SETD2: variants seen among roughly 807,000 people sequenced by gnomAD.
SETD2 encodes SET domain containing 2, histone lysine methyltransferase.
SETD2 carries 31 observed loss-of-function variants against 242.1 expected under a neutral mutation model. The ratio of observed to expected loss-of-function variants is 0.13; its 90% CI spans 0.10 to 0.17. The LOEUF (loss-of-function observed/expected upper bound fraction) is 0.17. Ranked by LOEUF, SETD2 falls within the 10% of genes least tolerant of loss-of-function variation. The pLI, the probability that SETD2 is intolerant of heterozygous loss-of-function variation, is 1.00. For synonymous variants in SETD2, 1,006 were observed against 1,066.5 expected, an observed-to-expected ratio of 0.94 and a Z score of 1.11; for missense variants, 2,481 against 3,046.3, an observed-to-expected ratio of 0.81 and a Z score of 4.37.
At chr3:47,107,700 A>G (rs1403084308) in intron 5 of SETD2, among the ~76,000 whole-genome samples, 1 of 134,426 alleles carries the variant, frequency 7.4e-6, no homozygotes, top group African/African-American at 2.7e-5. Context: ...CTCAAGAAAA[A>G]GAAAAGTCAC....
chr3:47,099,950 C>CTTT (rs796284454), intron 8 of SETD2, among the ~76,000 whole-genome samples: 1 of 140,766 alleles, frequency 7.1e-6, no homozygotes, highest in African/African-American at 2.6e-5. Context: ...ACTAATATAC[C>CTTT]TTTTTTTTTT....
intron 1 of SETD2, among the ~76,000 whole-genome samples, chr3:47,159,655 C>G (rs1697428312): frequency 6.6e-6 from 1 of 152,168 alleles, no homozygotes; most frequent in African/African-American, 2.4e-5. Context: ...TGGCAAAGTT[C>G]TTAGAATGGC....
chr3:47,120,067 T>C lies in SETD2; in HGVS notation c.4454+115A>G. On this transcript the variant is annotated intron_variant, in intron 3 of 20. Coordinates refer to ENST00000409792, the MANE Select transcript of SETD2 (RefSeq NM_014159.7). ...CACTTTTTTAGACTTTTAAATTTACTTTATCCCACAACTCTTTCATGTGTT... is the reference window on the plus strand; with the variant it reads ...CACTTTTTTAGACTTTTAAATTTACCTTATCCCACAACTCTTTCATGTGTT... The C allele has an allele frequency of 7.9e-6, 7 of 882,724 alleles. No homozygotes were observed. The South Asian group carries it at 1.0e-4, about 13-fold the overall frequency. The allele number at this position is 882,724 out of a possible 1,614,324, so 54.7% of individuals were successfully genotyped here. A position where few individuals can be genotyped will look rare whatever the true frequency, so the allele number is the denominator to read the frequency against.
intron 12 of SETD2, among the ~76,000 whole-genome samples, chr3:47,081,326 C>T (rs2041308858): frequency 1.3e-5 from 2 of 152,176 alleles, no homozygotes; most frequent in Admixed American, 6.6e-5. Flanking sequence ...TGGTGGCCCC[C>T]GGTTGGCTGG....
At position 47,057,458 on chromosome 3, in the gene SETD2, C is replaced by T. The variant is rs967982470; in HGVS notation, c.6326G>A (p.Arg2109Gln). Residue 2109 changes from arginine to glutamine, a missense_variant, in exon 15 of 21, where the codon CGA (arginine) becomes CAA (glutamine). Transcript: ENST00000409792. ...AGAAAGTTTATTGCGGTCTTTAATT[C>T]GTACTTTCTTTTTAGAAGTTGGTGT... ...YDTPTSKKKV[R>Q]IKDRNKLSTE... 4.3e-6 allele frequency: 7 copies of T among 1,613,942 alleles called. No individual in the cohort carries two copies. Among genetic ancestry groups the T allele is most frequent in the African/African-American group, 4.0e-5 (3 of 74,888 alleles).
At chr3:47,033,501 G>A (rs1351652945) in intron 18 of SETD2, among the ~76,000 whole-genome samples, 2 of 152,150 alleles carry the variant, frequency 1.3e-5, no homozygotes, top group Non-Finnish European at 2.9e-5. Flanking sequence ...AGGGGAATGT[G>A]TGTATCTCCT....
At chr3:47,092,524 T>G (rs1398761961) in intron 9 of SETD2, among the ~76,000 whole-genome samples, 1 of 148,838 alleles carries the variant, frequency 6.7e-6, no homozygotes, top group Non-Finnish European at 1.5e-5. Flanking sequence ...TATATATTTA[T>G]ACATTATATA....
chr3:47,064,897 G>C lies in SETD2; in HGVS notation c.6109+2173C>G, dbSNP rs371624183. Among the ~76,000 whole-genome samples, 223 of 151,624 alleles carry C rather than the reference G, an allele frequency of 1.5e-3. 4 individuals are homozygous for C. In the South Asian group the frequency reaches 0.033, roughly 23 times the overall value. On this transcript the variant is annotated intron_variant, in intron 13 of 20. Transcript: ENST00000409792. The stretch of plus-strand genomic sequence containing the variant: ...GATGAAGGGTTCTACATGTGAAAGA[G>C]AGACTAAGGTCGGCAGAAAAGAGGC...
At position 47,122,863 on chromosome 3, in the gene SETD2, C is replaced by A. The variant is rs2106689363; in HGVS notation, c.1773G>T (p.Gln591His). Reference protein sequence around the residue: ...EIKQSHSFSLQTPCSKGSELR... With the variant: ...EIKQSHSFSLHTPCSKGSELR... ...ATTCACTACCTTTTGAACAAGGTGT[C>A]TGTAAACTAAAAGAATGAGACTGTT... Residue 591 changes from glutamine to histidine, a missense_variant, in exon 3 of 21, where the codon CAG becomes CAT. This residue lies in a region of SETD2 where 1,300 missense variants were observed against 1,259.2 expected (regional missense o/e 1.03). Coordinates refer to ENST00000409792, the MANE Select transcript of SETD2 (RefSeq NM_014159.7). 1 of 1,611,640 alleles carries A rather than the reference C, an allele frequency of 6.2e-7. No individual in the cohort carries two copies. Among genetic ancestry groups the A allele is most frequent in the South Asian group, 1.1e-5 (1 of 90,698 alleles).
At chr3:47,055,293 CATT>C (rs2040007392) in intron 15 of SETD2, among the ~76,000 whole-genome samples, 1 of 152,282 alleles carries the variant, frequency 6.6e-6, no homozygotes, top group Admixed American at 6.5e-5. Context: ...GTGCAGGAAA[CATT>C]GTTGGGAGTC....
At chr3:47,089,150 A>C (rs2041690763) in intron 9 of SETD2, among the ~76,000 whole-genome samples, 1 of 152,204 alleles carries the variant, frequency 6.6e-6, no homozygotes, top group South Asian at 2.1e-4. Context: ...AACTGCTTTT[A>C]AACAGGCAAG....
chr3:47,047,384 T>G (rs1399081070), intron 15 of SETD2, among the ~76,000 whole-genome samples: 1 of 152,184 alleles, frequency 6.6e-6, no homozygotes, highest in African/African-American at 2.4e-5. Context: ...TCTGCTTAAA[T>G]AAGAAGAGGT....
Position 47,116,783 on chromosome 3 carries a change from T to C in SETD2, c.4455-29A>G, listed in dbSNP as rs768118882. The C allele has an allele frequency of 2.1e-6, 3 of 1,445,732 alleles. No individual in the cohort carries two copies. The South Asian group carries it at 3.6e-5, about 17-fold the overall frequency. The allele number at this position is 1,445,732 out of a possible 1,614,324, so 89.6% of individuals were successfully genotyped here. Reference sequence around the variant, plus strand: ...TTGGGTAAAATTTCATAAAAACTGATTAAATAAATTTCCTGGTAAAGATAT... The same window carrying C: ...TTGGGTAAAATTTCATAAAAACTGACTAAATAAATTTCCTGGTAAAGATAT... On this transcript the variant is annotated intron_variant, in intron 3 of 20. Transcript: ENST00000409792.
At chr3:47,140,948 G>A in intron 1 of SETD2, among the ~76,000 whole-genome samples, 1 of 152,138 alleles carries the variant, frequency 6.6e-6, no homozygotes, top group Non-Finnish European at 1.5e-5. Flanking sequence ...GAGATGGCTT[G>A]TTATAATTAG....
At chr3:47,098,666 C>T (rs2107676404) in intron 8 of SETD2, among the ~76,000 whole-genome samples, 1 of 152,134 alleles carries the variant, frequency 6.6e-6, no homozygotes, top group South Asian at 2.1e-4. Flanking sequence ...CATGGTGGCA[C>T]ACACCTGTAA....
At position 47,122,139 on chromosome 3, in the gene SETD2, G is replaced by A; in HGVS notation, c.2497C>T (p.Pro833Ser). The A allele has an allele frequency of 6.2e-7, 1 of 1,613,856 alleles. No individual in the cohort carries two copies. Among genetic ancestry groups the A allele is most frequent in the East Asian group, 2.2e-5 (1 of 44,874 alleles). ...AAATTTCTACTATCACATATAACTG[G>A]TTTTGATTCCAAATGCACATTCATA... is the stretch of plus-strand genomic sequence containing the variant. ...SFMNVHLESK[P>S]VICDSRNLTD... Residue 833 changes from proline (P) to serine (S), a missense_variant, in exon 3 of 21, where the codon CCA (proline) becomes TCA (serine). By Grantham distance (74) the Pro-to-Ser change is moderately conservative. This residue lies in a region of SETD2 where 1,300 missense variants were observed against 1,259.2 expected (regional missense o/e 1.03). Coordinates refer to ENST00000409792, the MANE Select transcript of SETD2 (RefSeq NM_014159.7).
intron 17 of SETD2, among the ~76,000 whole-genome samples, chr3:47,038,444 T>C (rs1472382792): frequency 6.6e-6 from 1 of 152,038 alleles, no homozygotes; most frequent in African/African-American, 2.4e-5. Context: ...TGAAACCCCA[T>C]CTCTACTATA....
At chr3:47,022,133 G>A (rs1434769140) in intron 18 of SETD2, among the ~76,000 whole-genome samples, 1 of 151,404 alleles carries the variant, frequency 6.6e-6, no homozygotes, top group Non-Finnish European at 1.5e-5. Context: ...AGAGGTGGAG[G>A]TTGCAGTGAG....
At chr3:47,044,266 C>G (rs1214192152) in intron 16 of SETD2, among the ~76,000 whole-genome samples, 1 of 139,084 alleles carries the variant, frequency 7.2e-6, no homozygotes, top group Non-Finnish European at 1.5e-5. Flanking sequence ...CTGCTTGAAC[C>G]TGGGAGGCGG....
Sources: gnomAD v4.1 joint callset for allele counts (sites outside exome capture counted in the v4.1 genomes callset) on GRCh38, gnomAD v4.1.1 for gene constraint, gnomAD v4.1.1 regional missense constraint, MANE v1.5 for transcripts, NCBI Gene and HGNC (gene_info 2026-07-23, HGNC 2026-07-21) for gene names.